Variants in MACROD2 observed in about 807,000 individuals in gnomAD.
The protein encoded by MACROD2 is mono-ADP ribosylhydrolase 2, also known as ADP-ribose glycohydrolase MACROD2.
In MACROD2, 36 loss-of-function variants were observed where a neutral mutation model predicts 70.4. The observed-to-expected ratio is 0.51, with a 90% CI of 0.39 to 0.68. MACROD2 has a LOEUF of 0.68. Among genes scored for constraint, MACROD2 ranks in the 30% least tolerant of loss-of-function variants. The probability of loss-of-function intolerance (pLI) is 0.00; values close to 1 mark genes in which losing one functional copy is unlikely to be tolerated. For missense variants in MACROD2, 496 were observed against 538.4 expected (o/e 0.92, Z 0.78); for synonymous variants, 172 against 178.8 (o/e 0.96, Z 0.30).
At chr20:15,036,302 C>T (rs1421711589) in intron 5 of MACROD2, among the ~76,000 whole-genome samples, 2 of 152,122 alleles carry the variant, frequency 1.3e-5, no homozygotes, top group Non-Finnish European at 2.9e-5. Context: ...AGTCGATAAT[C>T]CATAATTGCA....
At chr20:15,925,320 G>C (rs1489649668) in intron 10 of MACROD2, among the ~76,000 whole-genome samples, 1 of 152,170 alleles carries the variant, frequency 6.6e-6, no homozygotes, top group Non-Finnish European at 1.5e-5. Flanking sequence ...GTTATTGATT[G>C]TGTACAGGAT....
intron 6 of MACROD2, among the ~76,000 whole-genome samples, chr20:15,279,159 G>T (rs2077420848): frequency 6.6e-6 from 1 of 152,186 alleles, no homozygotes; most frequent in African/African-American, 2.4e-5. Flanking sequence ...TTTCTTCTGT[G>T]TTGTTAATGG....
chr20:15,293,750 G>A (rs890481916), intron 6 of MACROD2, among the ~76,000 whole-genome samples: 1 of 152,162 alleles, frequency 6.6e-6, no homozygotes, highest in Non-Finnish European at 1.5e-5. Context: ...GAGGCCAAGA[G>A]GGCCAAATCT....
chr20:14,326,581 C>A lies in MACROD2; in HGVS notation c.272-166898C>A. ...ACGTACCCATTTCATCTTGCACCCG[C>A]AATACCAGGGATTGTTGCGAAGAAT... On this transcript the variant is annotated intron_variant, in intron 3 of 17. Coordinates refer to ENST00000684519, the MANE Select transcript of MACROD2 (RefSeq NM_001351661.2). The surrounding 1 kb of genome is among the most constrained non-coding windows in gnomAD (Gnocchi z 5.5). The A allele has an allele frequency of 6.2e-7, 1 of 1,613,884 alleles. No individual in the cohort carries two copies. Among genetic ancestry groups the A allele is most frequent in the Non-Finnish European group, 8.5e-7 (1 of 1,179,860 alleles).
At chr20:15,288,441 C>T (rs538231209) in intron 6 of MACROD2, among the ~76,000 whole-genome samples, 15 of 152,178 alleles carry the variant, frequency 9.9e-5, no homozygotes, top group Non-Finnish European at 1.5e-4. Flanking sequence ...ATTGGTAGAA[C>T]GTTATTTCTA....
intron 5 of MACROD2, among the ~76,000 whole-genome samples, chr20:14,884,769 T>C (rs2073652500): frequency 6.6e-6 from 1 of 152,120 alleles, no homozygotes; most frequent in African/African-American, 2.4e-5. Context: ...TGACCAGCGT[T>C]AATATTGAAA....
At chr20:14,083,379 T>TTGCCCA (rs1206709164) in intron 2 of MACROD2, among the ~76,000 whole-genome samples, 471 of 150,980 alleles carry the variant, frequency 3.1e-3, no homozygotes, top group Non-Finnish European at 5.4e-3. Flanking sequence ...GCTGAGACTG[T>TTGCCCA]GCCATTGCAC....
At chr20:14,711,107 A>G (rs948615435) in intron 5 of MACROD2, among the ~76,000 whole-genome samples, 2 of 152,226 alleles carry the variant, frequency 1.3e-5, no homozygotes, top group African/African-American at 2.4e-5. Context: ...CGAAAATTCA[A>G]GCTTAGACTT....
intron 8 of MACROD2, among the ~76,000 whole-genome samples, chr20:15,551,620 T>C (rs548816763): frequency 1.3e-3 from 199 of 152,262 alleles, no homozygotes; most frequent in Non-Finnish European, 2.6e-3. Flanking sequence ...GGCTCACGCC[T>C]GTAATCTCAA....
intron 13 of MACROD2, among the ~76,000 whole-genome samples, chr20:15,981,052 A>G (rs1202302933): frequency 1.3e-5 from 2 of 152,172 alleles, no homozygotes; most frequent in Non-Finnish European, 2.9e-5. Flanking sequence ...TTTCCGCAGG[A>G]AGCATAGACA....
At chr20:14,631,272 G>C (rs1455691418) in intron 4 of MACROD2, among the ~76,000 whole-genome samples, 1 of 152,100 alleles carries the variant, frequency 6.6e-6, no homozygotes, top group East Asian at 1.9e-4. Flanking sequence ...GGCATGATAA[G>C]GAAGTCGTCT....
intron 5 of MACROD2, among the ~76,000 whole-genome samples, chr20:14,837,358 T>C (rs568359326): frequency 6.6e-6 from 1 of 152,178 alleles, no homozygotes; most frequent in South Asian, 2.1e-4. Flanking sequence ...GGAGAAAAAT[T>C]AGATGTTCAT....
At chr20:14,639,915 C>A (rs370274239) in intron 4 of MACROD2, among the ~76,000 whole-genome samples, 1 of 151,942 alleles carries the variant, frequency 6.6e-6, no homozygotes, top group African/African-American at 2.4e-5. Context: ...CTCAAGCAAG[C>A]GAACTACACC....
intron 4 of MACROD2, among the ~76,000 whole-genome samples, chr20:14,672,955 A>AT (rs2070812690): frequency 6.6e-6 from 1 of 152,126 alleles, no homozygotes; most frequent in South Asian, 2.1e-4. Context: ...GTTTCAGTGC[A>AT]TTTTTTCATC....
intron 5 of MACROD2, among the ~76,000 whole-genome samples, chr20:15,111,304 C>T (rs936929709): frequency 2.0e-5 from 3 of 151,876 alleles, no homozygotes; most frequent in Non-Finnish European, 4.4e-5. Flanking sequence ...TCCCAAGCAG[C>T]TGGGATTACA....
In MACROD2 at chr20:16,048,684, G is replaced by A. The variant is rs538454477; in HGVS notation, c.1301-1146G>A. Reference sequence around the variant, plus strand: ...AACACCACCAAATGTTACAGAGGATGTGGAGGAGCTAGAACTCTTATACAT... The same window carrying A: ...AACACCACCAAATGTTACAGAGGATATGGAGGAGCTAGAACTCTTATACAT... On this transcript the variant is annotated intron_variant, in intron 17 of 17. Coordinates refer to ENST00000684519, the MANE Select transcript of MACROD2 (RefSeq NM_001351661.2). Among the ~76,000 whole-genome samples, 8 of 152,252 alleles carry A rather than the reference G, an allele frequency of 5.3e-5. No homozygotes were observed. In the South Asian group the frequency reaches 1.2e-3, roughly 24 times the overall value.
chr20:15,762,715 G>T (rs949067220), intron 8 of MACROD2, among the ~76,000 whole-genome samples: 3 of 152,218 alleles, frequency 2.0e-5, no homozygotes, highest in African/African-American at 7.2e-5. Flanking sequence ...TCCCAGGAGA[G>T]GGGTGAGGGA....
At chr20:14,921,151 T>C (rs542103090) in intron 5 of MACROD2, among the ~76,000 whole-genome samples, 22 of 152,316 alleles carry the variant, frequency 1.4e-4, no homozygotes, top group African/African-American at 4.8e-4. Context: ...CTATTGGATC[T>C]GTGTATTGGG....
intron 5 of MACROD2, among the ~76,000 whole-genome samples, chr20:15,020,254 G>A (rs558338435): frequency 1.6e-4 from 24 of 152,192 alleles, no homozygotes; most frequent in African/African-American, 5.5e-4. Context: ...CTTAAGGAAG[G>A]ACTTATCAAA....
Sources: allele counts gnomAD v4.1 joint callset (sites outside exome capture counted in the v4.1 genomes callset), GRCh38; gene constraint gnomAD v4.1.1; non-coding constraint Gnocchi (gnomAD v3.1); transcripts MANE v1.5; gene names NCBI Gene and HGNC (gene_info 2026-07-23, HGNC 2026-07-21).